TNRC6B: variants seen among roughly 807,000 people sequenced by gnomAD.
TNRC6B encodes trinucleotide repeat containing adaptor 6B, also known as trinucleotide repeat-containing gene 6B protein.
Under a neutral mutation model 203.6 loss-of-function variants are expected in TNRC6B, and 52 were observed. The observed-to-expected ratio is 0.26, with a 90% CI of 0.20 to 0.32. The LOEUF (loss-of-function observed/expected upper bound fraction) is 0.32, where lower values mean the gene tolerates loss of function less well. Ranked by LOEUF, TNRC6B falls within the 10% of genes least tolerant of loss-of-function variation. The pLI, the probability that TNRC6B is intolerant of heterozygous loss-of-function variation, is 1.00. For synonymous variants in TNRC6B, 838 were observed against 845.7 expected, an observed-to-expected ratio of 0.99 and a Z score of 0.16; for missense variants, 1,923 against 2,286.2, an observed-to-expected ratio of 0.84 and a Z score of 3.24.
upstream of TNRC6B, among the ~76,000 whole-genome samples, chr22:40,173,555 G>A (rs2069024427): frequency 6.7e-6 from 1 of 150,312 alleles, no homozygotes; most frequent in South Asian, 2.1e-4. Context: ...TAGGACCACA[G>A]GCATACCCCA....
intron 4 of TNRC6B, among the ~76,000 whole-genome samples, chr22:40,168,449 C>G (rs1490761200): frequency 6.6e-6 from 1 of 152,148 alleles, no homozygotes; most frequent in Non-Finnish European, 1.5e-5. Flanking sequence ...TGGACTCAGC[C>G]TGGAGTGTCA....
intron 7 of TNRC6B, among the ~76,000 whole-genome samples, chr22:40,275,898 G>A (rs1253360923): frequency 6.6e-6 from 1 of 151,866 alleles, no homozygotes; most frequent in East Asian, 1.9e-4. Context: ...GGTAGAGGTT[G>A]CAGTGAGCCG....
Position 40,323,310 on chromosome 22 carries a change from G to T in TNRC6B, c.*69G>T. On this transcript the variant is annotated 3_prime_UTR_variant, in exon 23 of 23. Coordinates refer to ENST00000454349, the MANE Select transcript of TNRC6B (RefSeq NM_001162501.2). ...GCAGCAGCACTAACTTGACCTTTTC[G>T]TTTTTTTTTTCAACTTGCAATAAAT... is the stretch of plus-strand genomic sequence containing the variant. 3.5e-5 allele frequency: 45 copies of T among 1,292,986 alleles called. No individual in the cohort carries two copies. The highest frequency in any genetic ancestry group is 1.1e-4 in the East Asian group (4 of 35,012). The allele number at this position is 1,292,986 out of a possible 1,614,324, so 80.1% of individuals were successfully genotyped here.
chr22:40,314,720 C>T (rs933672486), intron 19 of TNRC6B, among the ~76,000 whole-genome samples: 4 of 152,228 alleles, frequency 2.6e-5, no homozygotes, highest in East Asian at 1.9e-4. Flanking sequence ...GCTTGAGGTT[C>T]TCAGGGATAA....
intron 3 of TNRC6B, among the ~76,000 whole-genome samples, chr22:40,139,224 T>C (rs1423482430): frequency 6.6e-6 from 1 of 152,198 alleles, no homozygotes; most frequent in Non-Finnish European, 1.5e-5. Context: ...TGAGACTTCT[T>C]TCAGTTAGCA....
At chr22:40,312,862 T>C in intron 18 of TNRC6B, 40 bp from the exon 19 acceptor site, 1 of 1,563,264 alleles carries the variant, frequency 6.4e-7, no homozygotes. Context: ...TATACTGACA[T>C]TTATCTTCAG....
chr22:40,216,680 A>G (rs2069639785), intron 1 of TNRC6B, among the ~76,000 whole-genome samples: 1 of 152,200 alleles, frequency 6.6e-6, no homozygotes, highest in Admixed American at 6.5e-5. Flanking sequence ...TTTTTTAGAA[A>G]GTCTCTCTTG....
chr22:40,185,818 A>T (rs8142495), intron 1 of TNRC6B, among the ~76,000 whole-genome samples: 1 of 151,938 alleles, frequency 6.6e-6, no homozygotes, highest in East Asian at 1.9e-4. Flanking sequence ...AGGCAGGCCA[A>T]TTAGGGGATA....
intron 22 of TNRC6B, 97 bp downstream of exon 22, chr22:40,321,326 A>T (rs2071331255): frequency 7.1e-7 from 1 of 1,404,588 alleles, no homozygotes; most frequent in Non-Finnish European, 9.7e-7. Flanking sequence ...ACCAGAACAT[A>T]TACGAAGAAT....
At chr22:40,195,809 G>T (rs887984981) in intron 1 of TNRC6B, among the ~76,000 whole-genome samples, 19 of 150,972 alleles carry the variant, frequency 1.3e-4, no homozygotes, top group Non-Finnish European at 2.5e-4. Flanking sequence ...TCGCTCTGTC[G>T]CCCAGGCTGG....
intron 4 of TNRC6B, among the ~76,000 whole-genome samples, chr22:40,167,330 A>G: frequency 6.6e-6 from 1 of 152,186 alleles, no homozygotes; most frequent in East Asian, 1.9e-4. Flanking sequence ...GTATGGAAGG[A>G]CAGATACTAT....
upstream of TNRC6B, among the ~76,000 whole-genome samples, chr22:40,175,624 T>C (rs1040607392): frequency 6.6e-6 from 1 of 152,226 alleles, no homozygotes; most frequent in Admixed American, 6.5e-5. Flanking sequence ...TCGAGCCAGC[T>C]ACAAGCAAGT....
intron 12 of TNRC6B, among the ~76,000 whole-genome samples, chr22:40,288,825 G>A (rs2070827288): frequency 6.8e-6 from 1 of 146,154 alleles, no homozygotes; most frequent in South Asian, 2.2e-4. Flanking sequence ...ACAGGCGTGA[G>A]CCACTGTGCC....
chr22:40,158,712 C>A (rs1569002112), intron 4 of TNRC6B, among the ~76,000 whole-genome samples: 1 of 152,168 alleles, frequency 6.6e-6, no homozygotes, highest in Non-Finnish European at 1.5e-5. Flanking sequence ...CTGGCCTTTT[C>A]ACAGATGAAT....
chr22:40,231,127 A>G (rs928052647), intron 1 of TNRC6B, among the ~76,000 whole-genome samples: 11 of 152,138 alleles, frequency 7.2e-5, no homozygotes. Context: ...GAAAAATAAG[A>G]CAGTACCATA....
At chr22:40,290,069 G>A (rs1321690141) in intron 12 of TNRC6B, among the ~76,000 whole-genome samples, 2 of 152,208 alleles carry the variant, frequency 1.3e-5, no homozygotes, top group Non-Finnish European at 2.9e-5. Context: ...GGTTATTGCA[G>A]TGACTTCCTG....
chr22:40,107,127 T>C, intron 1 of TNRC6B: 1 of 604,432 alleles, frequency 1.7e-6, no homozygotes, highest in Non-Finnish European at 2.9e-6. Flanking sequence ...AATTTTCATG[T>C]AGTCATGTTT....
intron 4 of TNRC6B, among the ~76,000 whole-genome samples, chr22:40,167,479 AG>A (rs2068929863): frequency 6.6e-6 from 1 of 152,182 alleles, no homozygotes; most frequent in Non-Finnish European, 1.5e-5. Context: ...CAGATGTGCA[AG>A]ATGAAAAAGT....
chr22:40,146,846 T>A (rs2068699783), intron 3 of TNRC6B, among the ~76,000 whole-genome samples: 1 of 152,132 alleles, frequency 6.6e-6, no homozygotes, highest in Non-Finnish European at 1.5e-5. Context: ...ATTACAGGCA[T>A]AAGCCACCGT....
Sources: gnomAD v4.1 joint callset for allele counts (sites outside exome capture counted in the v4.1 genomes callset) on GRCh38, gnomAD v4.1.1 for gene constraint, MANE v1.5 for transcripts, NCBI Gene and HGNC (gene_info 2026-07-23, HGNC 2026-07-21) for gene names.